The following BMPER variants were observed in gnomAD, a reference collection of about 807,000 sequenced individuals.
The protein encoded by BMPER is BMP binding endothelial regulator, also known as BMP-binding endothelial regulator protein.
A neutral mutation model predicts 87.3 loss-of-function variants in BMPER; 45 were observed. The observed-to-expected ratio is 0.52, with a 90% CI of 0.41 to 0.66. The LOEUF is 0.66. Among genes scored for constraint, BMPER ranks in the 30% least tolerant of loss-of-function variants. The probability of loss-of-function intolerance (pLI) is 0.00; values close to 1 mark genes in which losing one functional copy is unlikely to be tolerated. For missense variants in BMPER, 784 were observed against 867.5 expected, an observed-to-expected ratio of 0.90 and a Z score of 1.21; for synonymous variants, 326 against 316.2, an observed-to-expected ratio of 1.03 and a Z score of -0.33.
intron 13 of BMPER, among the ~76,000 whole-genome samples, chr7:34,117,422 A>G (rs1430982893): frequency 4.6e-5 from 7 of 152,192 alleles, no homozygotes; most frequent in African/African-American, 1.7e-4. Context: ...ATATATCAGG[A>G]GGCCATATCT....
intron 11 of BMPER, among the ~76,000 whole-genome samples, chr7:34,077,464 C>T (rs905583022): frequency 6.6e-6 from 1 of 152,266 alleles, no homozygotes; most frequent in East Asian, 1.9e-4. Context: ...CTTCTTCCAC[C>T]CTCCACCCTG....
At chr7:33,950,770 G>A (rs1182438955) in intron 3 of BMPER, among the ~76,000 whole-genome samples, 2 of 152,142 alleles carry the variant, frequency 1.3e-5, no homozygotes, top group East Asian at 1.9e-4. Context: ...GGGAAGGATT[G>A]CACAAAGTAG....
chr7:34,132,429 C>T (rs1328710560), intron 13 of BMPER, among the ~76,000 whole-genome samples: 1 of 151,768 alleles, frequency 6.6e-6, no homozygotes, highest in Admixed American at 6.6e-5. Flanking sequence ...GCCAGTTCTG[C>T]CCTGCTCTCC....
intron 3 of BMPER, 91 bp from the exon 4 acceptor site, chr7:33,966,388 C>T: frequency 2.7e-6 from 3 of 1,124,384 alleles, no homozygotes; most frequent in Non-Finnish European, 4.0e-6. Context: ...CTAATCTGGG[C>T]TTAGAGAACA....
At chr7:33,995,782 A>C (rs1786393500) in intron 6 of BMPER, among the ~76,000 whole-genome samples, 2 of 152,102 alleles carry the variant, frequency 1.3e-5, no homozygotes, top group African/African-American at 4.8e-5. Flanking sequence ...AAGAGGCCTG[A>C]ATTTTCTATG....
intron 3 of BMPER, among the ~76,000 whole-genome samples, chr7:33,965,668 G>A (rs879371054): frequency 3.2e-4 from 48 of 152,276 alleles, no homozygotes; most frequent in Middle Eastern, 3.4e-3. Flanking sequence ...GCATCGCCAA[G>A]TGTGTCTTCC....
chr7:34,009,277 T>C (rs1786816702), intron 6 of BMPER, among the ~76,000 whole-genome samples: 2 of 152,028 alleles, frequency 1.3e-5, no homozygotes, highest in South Asian at 4.1e-4. Context: ...ATTATTATAC[T>C]TTTTCTTGAT....
At chr7:33,979,093 G>A (rs1785770573) in intron 6 of BMPER, among the ~76,000 whole-genome samples, 1 of 152,094 alleles carries the variant, frequency 6.6e-6, no homozygotes, top group Non-Finnish European at 1.5e-5. Context: ...GTGTGCATAA[G>A]TGTCCATATA....
At chr7:33,988,459 A>AT (rs940401282) in intron 6 of BMPER, among the ~76,000 whole-genome samples, 95 of 151,914 alleles carry the variant, frequency 6.3e-4, no homozygotes, top group African/African-American at 2.0e-3. Context: ...TTGTAAGAGA[A>AT]TTTTTTTTTC....
chr7:33,906,981 C>A (rs1783835757), intron 2 of BMPER, 78 bp downstream of exon 2: 1 of 1,305,432 alleles, frequency 7.7e-7, no homozygotes, highest in Non-Finnish European at 1.1e-6. Context: ...ATAATATAAC[C>A]AGATCTTACA....
chr7:33,982,831 C>T (rs1785900082), intron 6 of BMPER, among the ~76,000 whole-genome samples: 1 of 152,170 alleles, frequency 6.6e-6, no homozygotes, highest in African/African-American at 2.4e-5. Context: ...TTGCCTACCA[C>T]AGTCATTGAT....
At chr7:34,105,873 A>T (rs1303808948) in intron 13 of BMPER, among the ~76,000 whole-genome samples, 1 of 152,072 alleles carries the variant, frequency 6.6e-6, no homozygotes, top group Non-Finnish European at 1.5e-5. Flanking sequence ...CAGATTTTAG[A>T]CCCATTTTCC....
intron 12 of BMPER, among the ~76,000 whole-genome samples, chr7:34,079,798 T>C (rs1204119710): frequency 6.6e-6 from 1 of 152,192 alleles, no homozygotes; most frequent in Non-Finnish European, 1.5e-5. Context: ...GCCCCTTCTT[T>C]CTCAGCAGCG....
At chr7:34,077,066 G>T (rs570339474) in intron 11 of BMPER, among the ~76,000 whole-genome samples, 1 of 152,128 alleles carries the variant, frequency 6.6e-6, no homozygotes, top group Non-Finnish European at 1.5e-5. Context: ...TATTACTTCC[G>T]AACTGTCATT....
chr7:33,920,404 A>G (rs565967195), intron 2 of BMPER, among the ~76,000 whole-genome samples: 1 of 140,228 alleles, frequency 7.1e-6, no homozygotes, highest in South Asian at 2.3e-4. Flanking sequence ...TGTGCAGACC[A>G]GGGAAACTCC....
rs189516030 is a variant in BMPER, at chr7:34,089,659, T to C, written c.1745+3567T>C. Reference sequence around the variant, plus strand: ...CCACCACACCCGGCTAATTTCTGTATTTTTAGTAGAGATGGGTTTTCACCA... The same window carrying C: ...CCACCACACCCGGCTAATTTCTGTACTTTTAGTAGAGATGGGTTTTCACCA... On this transcript the variant is annotated intron_variant, in intron 13 of 14. Transcript: ENST00000649409. Among the ~76,000 whole-genome samples, 238 of 152,064 alleles carry C rather than the reference T, an allele frequency of 1.6e-3. 2 individuals carry two copies. Among genetic ancestry groups the C allele is most frequent in the African/African-American group, 5.4e-3 (225 of 41,476 alleles).
chr7:34,137,872 AT>A (rs1409834978), intron 13 of BMPER, among the ~76,000 whole-genome samples: 2 of 152,030 alleles, frequency 1.3e-5, no homozygotes, highest in East Asian at 1.9e-4. Flanking sequence ...AGAACTTTGA[AT>A]TTTTTTTGTA....
In BMPER at chr7:34,054,683, T is replaced by A. The variant is rs563114474; in HGVS notation, c.787-480T>A. On this transcript the variant is annotated intron_variant, in intron 8 of 14. Transcript: ENST00000649409. Reference sequence around the variant, plus strand: ...GTGAGCACAGAACACACTTGAGGAATCTTGTCCTGAGGTGGTGCCTTTGCT... The same window carrying A: ...GTGAGCACAGAACACACTTGAGGAAACTTGTCCTGAGGTGGTGCCTTTGCT... 2.6e-5 allele frequency among the ~76,000 whole-genome samples: 4 copies of A among 152,328 alleles called. No individual in the cohort carries two copies. In the South Asian group the frequency reaches 8.3e-4, roughly 32 times the overall value.
intron 11 of BMPER, among the ~76,000 whole-genome samples, chr7:34,067,970 CTCAG>C (rs1407871233): frequency 6.6e-6 from 1 of 152,172 alleles, no homozygotes; most frequent in African/African-American, 2.4e-5. Context: ...GGTGTTAGTA[CTCAG>C]TAAGTCCTTG....
Sources: allele counts gnomAD v4.1 joint callset (sites outside exome capture counted in the v4.1 genomes callset), GRCh38; gene constraint gnomAD v4.1.1; transcripts MANE v1.5; gene names NCBI Gene and HGNC (gene_info 2026-07-23, HGNC 2026-07-21).